MMRN1: variants seen among roughly 807,000 people sequenced by gnomAD.
MMRN1 encodes multimerin 1.
Under a neutral mutation model 100.7 loss-of-function variants are expected in MMRN1, and 94 were observed. The observed-to-expected ratio is 0.93, with a 90% CI of 0.79 to 1.11. The LOEUF (loss-of-function observed/expected upper bound fraction) is 1.11, where lower values mean the gene tolerates loss of function less well. MMRN1 is among the 50% of genes least tolerant of loss of function. MMRN1 has a pLI of 0.00. For synonymous variants in MMRN1, 575 were observed against 505.0 expected (o/e 1.14, Z -1.86); for missense variants, 1,606 against 1,439.1 (o/e 1.12, Z -1.88).
At position 89,902,448 on chromosome 4, in the gene MMRN1, G is replaced by A. The variant is rs554379795; in HGVS notation, c.624-6828G>A. ...TATATATGTTATACATATTTAATTC[G>A]ATGTACCACTTTAAAAATATACTAC... On this transcript the variant is annotated intron_variant, in intron 1 of 7. Coordinates refer to ENST00000264790, the MANE Select transcript of MMRN1 (RefSeq NM_007351.3). 1.2e-4 allele frequency among the ~76,000 whole-genome samples: 18 copies of A among 151,912 alleles called. 1 individual carries two copies. Among genetic ancestry groups the A allele is most frequent in the Middle Eastern group, 6.8e-3 (2 of 294 alleles).
chr4:89,928,327 A>G (rs554369542), intron 5 of MMRN1, among the ~76,000 whole-genome samples: 14 of 152,250 alleles, frequency 9.2e-5, no homozygotes, highest in Admixed American at 3.3e-4. Context: ...AGCTAGTTGC[A>G]TGGTTGTCTC....
intron 5 of MMRN1, 91 bp from the exon 6 acceptor site, chr4:89,934,719 T>G: frequency 1.5e-6 from 1 of 660,432 alleles, no homozygotes; most frequent in Admixed American, 3.5e-5. Flanking sequence ...TTACGTGTTA[T>G]TAATGTTTAA....
Position 89,909,381 on chromosome 4 carries a change from A to T in MMRN1, c.729A>T (p.Gly243=), listed in dbSNP as rs746548235. 1 of 1,609,500 alleles carries T rather than the reference A, an allele frequency of 6.2e-7. No homozygotes were observed. The highest frequency in any genetic ancestry group is 8.5e-7 in the Non-Finnish European group (1 of 1,177,270). Residue 243 remains glycine, a synonymous_variant, in exon 2 of 8, where the codon GGA becomes GGT. Transcript: ENST00000264790. ...AAGGACCTTGTGGCTGGACCGGTGG[A>T]TCCTGTCCTCAGAGGTATGTAATAT... is the stretch of plus-strand genomic sequence containing the variant. The part of the protein sequence containing the change: ...GGKGPCGWTG[G]SCPQRSQKIS...
chr4:89,909,453 G>C lies in MMRN1; in HGVS notation c.743+58G>C, dbSNP rs1721676965. 2.5e-6 allele frequency: 4 copies of C among 1,575,356 alleles called. No homozygotes were observed. In the Admixed American group the frequency reaches 7.0e-5, roughly 28 times the overall value. On this transcript the variant is annotated intron_variant, in intron 2 of 7. Transcript: ENST00000264790. The stretch of plus-strand genomic sequence containing the variant: ...TTTGCACCATAATAAATTATAGCCG[G>C]GAATATATAATGTTATTCATGCAAG...
intron 1 of MMRN1, among the ~76,000 whole-genome samples, chr4:89,896,792 A>G (rs1219528202): frequency 6.6e-6 from 1 of 152,170 alleles, no homozygotes; most frequent in African/African-American, 2.4e-5. Context: ...TGTATTATTT[A>G]TTATTCAAGT....
intron 1 of MMRN1, among the ~76,000 whole-genome samples, chr4:89,902,582 A>G (rs145376986): frequency 1.9e-3 from 289 of 152,120 alleles, no homozygotes; most frequent in Middle Eastern, 0.014. Context: ...CACTGACAAT[A>G]TTGTGTATAG....
At chr4:89,944,155 C>T (rs1722917470) in intron 6 of MMRN1, among the ~76,000 whole-genome samples, 1 of 152,268 alleles carries the variant, frequency 6.6e-6, no homozygotes, top group East Asian at 1.9e-4. Context: ...AACTATTTAT[C>T]TAACTTGTAT....
chr4:89,918,378 T>C (rs1384919694), intron 3 of MMRN1, among the ~76,000 whole-genome samples: 2 of 151,840 alleles, frequency 1.3e-5, no homozygotes, highest in South Asian at 2.1e-4. Context: ...ATTTTCCAAA[T>C]GTTAAATTTC....
chr4:89,926,028 T>C (rs1446368687), intron 4 of MMRN1, among the ~76,000 whole-genome samples: 1 of 152,214 alleles, frequency 6.6e-6, no homozygotes, highest in African/African-American at 2.4e-5. Flanking sequence ...ATTCATCTGT[T>C]GATGGTCATG....
chr4:89,904,423 A>G (rs1401660708), intron 1 of MMRN1, among the ~76,000 whole-genome samples: 2 of 151,664 alleles, frequency 1.3e-5, no homozygotes, highest in Non-Finnish European at 2.9e-5. Context: ...CTCTGTACCC[A>G]TTAAATAATA....
intron 1 of MMRN1, among the ~76,000 whole-genome samples, chr4:89,897,214 A>AT (rs201158467): frequency 0.029 from 4,292 of 148,886 alleles, 76 homozygotes; most frequent in Middle Eastern, 0.07. Context: ...ATAGCTAAGA[A>AT]TTTTTTTTTT....
In MMRN1 at chr4:89,935,743, T is replaced by G. The variant is rs199686457; in HGVS notation, c.2063T>G (p.Leu688Arg). Residue 688 changes from leucine to arginine, a missense_variant, in exon 6 of 8, where the codon CTA (leucine) becomes CGA (arginine). By Grantham distance (102) the Leu-to-Arg change is moderately radical (BLOSUM62 -2). Transcript: ENST00000264790. ...AATCTGACTAGTGCTGTCAATAGTCTAAATTTTATTATCAAAGAACTTACA... is the reference window on the plus strand; with the variant it reads ...AATCTGACTAGTGCTGTCAATAGTCGAAATTTTATTATCAAAGAACTTACA... Reference protein sequence around the residue: ...IENLTSAVNSLNFIIKELTKR... With the variant: ...IENLTSAVNSRNFIIKELTKR... 6.2e-7 allele frequency: 1 copy of G among 1,611,768 alleles called. No individual in the cohort carries two copies. Among genetic ancestry groups the G allele is most frequent in the South Asian group, 1.1e-5 (1 of 90,524 alleles).
At chr4:89,901,620 A>G (rs944753654) in intron 1 of MMRN1, among the ~76,000 whole-genome samples, 12 of 152,000 alleles carry the variant, frequency 7.9e-5, no homozygotes, top group Non-Finnish European at 1.8e-4. Flanking sequence ...TTCTAAAGAG[A>G]AACCATTATA....
chr4:89,888,350 C>G (rs1446478124), intron 1 of MMRN1, among the ~76,000 whole-genome samples: 1 of 151,500 alleles, frequency 6.6e-6, no homozygotes, highest in East Asian at 1.9e-4. Flanking sequence ...TTCCTTTGAG[C>G]ACTTTAAAGA....
intron 6 of MMRN1, among the ~76,000 whole-genome samples, chr4:89,949,693 A>G (rs756646216): frequency 6.6e-6 from 1 of 152,380 alleles, no homozygotes; most frequent in Non-Finnish European, 1.5e-5. Context: ...AGTTTATAGA[A>G]TATTGCAGAG....
At chr4:89,952,529 G>A (rs1723212227) in intron 7 of MMRN1, among the ~76,000 whole-genome samples, 1 of 152,180 alleles carries the variant, frequency 6.6e-6, no homozygotes, top group East Asian at 1.9e-4. Flanking sequence ...TTGCTGCAGT[G>A]AATATGACTT....
At chr4:89,919,142 TC>T (rs1333181210) in intron 3 of MMRN1, among the ~76,000 whole-genome samples, 2 of 151,600 alleles carry the variant, frequency 1.3e-5, no homozygotes, top group Non-Finnish European at 3.0e-5. Context: ...ACTTTTCTTT[TC>T]TAAAATGCTC....
In MMRN1 at chr4:89,895,303, A is replaced by G; in HGVS notation, c.332A>G (p.Lys111Arg). The change falls in exon 1 of 8, where the codon AAG becomes AGG. Residue 111 changes from lysine to arginine, a missense_variant. Coordinates refer to ENST00000264790, the MANE Select transcript of MMRN1 (RefSeq NM_007351.3). ...TSTEKAEGVVKLQNLTLPTNA... is the reference protein window; with the variant it reads ...TSTEKAEGVVRLQNLTLPTNA... Reference sequence around the variant, plus strand: ...ACAGAGAAAGCAGAAGGAGTGGTCAAGTTACAGAATCTTACCCTCCCAACC... The same window carrying G: ...ACAGAGAAAGCAGAAGGAGTGGTCAGGTTACAGAATCTTACCCTCCCAACC... 6.2e-7 allele frequency: 1 copy of G among 1,613,446 alleles called. No individual in the cohort carries two copies. The highest frequency in any genetic ancestry group is 8.5e-7 in the Non-Finnish European group (1 of 1,179,912).
chr4:89,934,889 A>G lies in MMRN1; in HGVS notation c.1209A>G (p.Gln403=). The change falls in exon 6 of 8, where the codon CAA becomes CAG. Residue 403 remains glutamine, a synonymous_variant. Coordinates refer to ENST00000264790, the MANE Select transcript of MMRN1 (RefSeq NM_007351.3). ...EQFKIFQNDM[Q]ETVAQLFKTV... The stretch of plus-strand genomic sequence containing the variant: ...TTAAAATTTTTCAAAATGACATGCA[A>G]GAGACTGTAGCACAGCTCTTCAAGA... 6.2e-7 allele frequency: 1 copy of G among 1,602,972 alleles called. No homozygotes were observed. The highest frequency in any genetic ancestry group is 8.5e-7 in the Non-Finnish European group (1 of 1,176,820).
Sources: gnomAD v4.1 joint callset for allele counts (sites outside exome capture counted in the v4.1 genomes callset) on GRCh38, gnomAD v4.1.1 for gene constraint, MANE v1.5 for transcripts, NCBI Gene and HGNC (gene_info 2026-07-23, HGNC 2026-07-21) for gene names.